The following HMGCLL1 variants were observed in gnomAD, a reference collection of about 807,000 sequenced individuals.
HMGCLL1 encodes 3-hydroxy-3-methylglutaryl-CoA lyase like 1.
A neutral mutation model predicts 39.1 loss-of-function variants in HMGCLL1; 36 were observed. The observed-to-expected ratio is 0.92, with a 90% CI of 0.71 to 1.22. The LOEUF (loss-of-function observed/expected upper bound fraction) is 1.22. Ranked by LOEUF, HMGCLL1 falls within the 50% of genes most tolerant of loss-of-function variation. The pLI is 0.00. For missense variants in HMGCLL1, 451 were observed against 416.5 expected (o/e 1.08, Z -0.72); for synonymous variants, 149 against 144.0 (o/e 1.03, Z -0.25).
chr6:55,478,652 CT>C (rs778742742), intron 7 of HMGCLL1, among the ~76,000 whole-genome samples: 12 of 151,012 alleles, frequency 7.9e-5, no homozygotes, highest in Non-Finnish European at 1.6e-4. Context: ...ATGTAGATAC[CT>C]AAAAATTTTT....
At chr6:55,550,452 A>C (rs1032023005) in intron 1 of HMGCLL1, among the ~76,000 whole-genome samples, 1 of 151,848 alleles carries the variant, frequency 6.6e-6, no homozygotes, top group Non-Finnish European at 1.5e-5. Context: ...TTGTGAGTAC[A>C]TCATAGTTCA....
intron 1 of HMGCLL1, among the ~76,000 whole-genome samples, chr6:55,572,185 A>T (rs1219390301): frequency 1.3e-5 from 2 of 152,156 alleles, no homozygotes; most frequent in African/African-American, 4.8e-5. Context: ...ATAGAGAGAG[A>T]AAGAGAAAGA....
At chr6:55,629,807 C>T in the HMGCLL1 span, among the ~76,000 whole-genome samples, 3 of 152,134 alleles carry the variant, frequency 2.0e-5, no homozygotes, top group Non-Finnish European at 4.4e-5. Flanking sequence ...TGGCTGCTTC[C>T]ACATGATGTT....
At chr6:55,511,395 TTG>T (rs1333425531) in intron 5 of HMGCLL1, among the ~76,000 whole-genome samples, 1 of 152,020 alleles carries the variant, frequency 6.6e-6, no homozygotes, top group Non-Finnish European at 1.5e-5. Flanking sequence ...CATGCATGTG[TTG>T]TGTGTGTGTT....
chr6:55,505,605 G>C (rs944963447), intron 5 of HMGCLL1, among the ~76,000 whole-genome samples: 1 of 151,500 alleles, frequency 6.6e-6, no homozygotes, highest in East Asian at 1.9e-4. Flanking sequence ...TAGAATACTT[G>C]ACTGATTTTA....
At chr6:55,515,124 A>C (rs1362145319) in intron 4 of HMGCLL1, among the ~76,000 whole-genome samples, 1 of 151,936 alleles carries the variant, frequency 6.6e-6, no homozygotes, top group African/African-American at 2.4e-5. Context: ...GTGGTGGTGT[A>C]CATCTGTAGT....
At chr6:55,628,154 A>AAT in the HMGCLL1 span, among the ~76,000 whole-genome samples, 33 of 6,608 alleles carry the variant, frequency 5.0e-3, 4 homozygotes, top group African/African-American at 0.018. Context: ...CTATATATAT[A>AAT]ATATATATAT....
chr6:55,671,705 A>G, the HMGCLL1 span, among the ~76,000 whole-genome samples: 1 of 151,838 alleles, frequency 6.6e-6, no homozygotes, highest in African/African-American at 2.4e-5. Context: ...AACAATGGAC[A>G]TGCAGCATGG....
the HMGCLL1 span, among the ~76,000 whole-genome samples, chr6:55,615,085 T>C: frequency 6.6e-6 from 1 of 152,112 alleles, no homozygotes; most frequent in African/African-American, 2.4e-5. Context: ...AAATACACAT[T>C]TTATTTGGAT....
At chr6:55,460,144 C>T (rs536116240) in intron 7 of HMGCLL1, among the ~76,000 whole-genome samples, 27 of 152,038 alleles carry the variant, frequency 1.8e-4, no homozygotes, top group African/African-American at 6.5e-4. Context: ...TGAATGCATG[C>T]ATGCCTCTGT....
At chr6:55,619,468 T>A in the HMGCLL1 span, among the ~76,000 whole-genome samples, 2 of 152,078 alleles carry the variant, frequency 1.3e-5, no homozygotes, top group African/African-American at 4.8e-5. Context: ...GGGGTTCTGT[T>A]GACTACTTAT....
At chr6:55,591,910 A>G in the HMGCLL1 span, among the ~76,000 whole-genome samples, 1 of 152,016 alleles carries the variant, frequency 6.6e-6, no homozygotes, top group African/African-American at 2.4e-5. Context: ...CCTATATTTC[A>G]CAAATCTCAA....
At chr6:55,580,351 A>G (rs1216031773), upstream of HMGCLL1, among the ~76,000 whole-genome samples, 1 of 145,100 alleles carries the variant, frequency 6.9e-6, no homozygotes, top group African/African-American at 2.5e-5. Context: ...GAGGATGAGG[A>G]GGTCATAGTC....
chr6:55,671,022 A>T, the HMGCLL1 span, among the ~76,000 whole-genome samples: 14 of 151,718 alleles, frequency 9.2e-5, no homozygotes, highest in Non-Finnish European at 1.9e-4. Context: ...GAGAAAAGAA[A>T]ATTACCAGGA....
the HMGCLL1 span, among the ~76,000 whole-genome samples, chr6:55,603,957 T>A: frequency 1.3e-5 from 2 of 152,180 alleles, no homozygotes; most frequent in African/African-American, 4.8e-5. Context: ...TTGATTTTAT[T>A]CCATAAGTAC....
intron 7 of HMGCLL1, among the ~76,000 whole-genome samples, chr6:55,459,321 C>T (rs1025473716): frequency 4.0e-5 from 6 of 151,824 alleles, no homozygotes; most frequent in Non-Finnish European, 7.4e-5. Flanking sequence ...TTAATTCAGG[C>T]CAACTAGGAA....
upstream of HMGCLL1, among the ~76,000 whole-genome samples, chr6:55,583,578 C>A (rs1176980450): frequency 1.3e-5 from 2 of 152,086 alleles, no homozygotes; most frequent in Non-Finnish European, 2.9e-5. Flanking sequence ...GCCACATTTT[C>A]TTAATCCAGT....
chr6:55,482,681 TA>T (rs1335390939), intron 7 of HMGCLL1, among the ~76,000 whole-genome samples: 15 of 152,100 alleles, frequency 9.9e-5, no homozygotes, highest in Admixed American at 9.8e-4. Flanking sequence ...AACATTTTAC[TA>T]AGAAATGTGA....
chr6:55,674,721 G>A, the HMGCLL1 span, among the ~76,000 whole-genome samples: 1 of 152,044 alleles, frequency 6.6e-6, no homozygotes, highest in East Asian at 1.9e-4. Flanking sequence ...AGGGTAATAG[G>A]ACCTGTGAGG....
Sources: gnomAD v4.1 joint callset for allele counts (sites outside exome capture counted in the v4.1 genomes callset) on GRCh38, gnomAD v4.1.1 for gene constraint, MANE v1.5 for transcripts, NCBI Gene and HGNC (gene_info 2026-07-23, HGNC 2026-07-21) for gene names.